Variants in TMEM131 observed in about 807,000 individuals in gnomAD.
TMEM131 encodes the protein 2610524E03Rik.
TMEM131 carries 66 observed loss-of-function variants against 211.6 expected under a neutral mutation model. That is an observed-to-expected ratio of 0.31 (90% CI 0.26 to 0.38). The LOEUF is 0.38. Ranked by LOEUF, TMEM131 falls within the 10% of genes least tolerant of loss-of-function variation. TMEM131 has a pLI of 1.00. For synonymous variants in TMEM131, 844 were observed against 841.3 expected (o/e 1.00, Z -0.06); for missense variants, 2,036 against 2,299.3 (o/e 0.89, Z 2.34).
intron 4 of TMEM131, among the ~76,000 whole-genome samples, chr2:97,863,457 A>ACTCC (rs1351040616): frequency 4.6e-5 from 7 of 152,220 alleles, no homozygotes; most frequent in African/African-American, 1.7e-4. Flanking sequence ...AAGTTAAGAG[A>ACTCC]CAGCTCACAG....
chr2:97,952,910 A>G (rs1181042865), intron 1 of TMEM131, among the ~76,000 whole-genome samples: 2 of 152,152 alleles, frequency 1.3e-5, no homozygotes, highest in Admixed American at 1.3e-4. Context: ...CAAACAAAAA[A>G]CAACAGAAAA....
At chr2:97,780,745 A>G (rs908270859) in intron 31 of TMEM131, among the ~76,000 whole-genome samples, 1 of 152,218 alleles carries the variant, frequency 6.6e-6, no homozygotes, top group African/African-American at 2.4e-5. Flanking sequence ...ACAGTGGGGA[A>G]GGCAGGATGT....
chr2:97,949,271 C>T (rs1459830725), intron 1 of TMEM131, among the ~76,000 whole-genome samples: 3 of 152,086 alleles, frequency 2.0e-5, no homozygotes, highest in African/African-American at 7.2e-5. Context: ...AGAGTAAATA[C>T]TGTATGATTC....
intron 1 of TMEM131, among the ~76,000 whole-genome samples, chr2:97,968,241 G>A (rs1483365488): frequency 3.3e-5 from 5 of 152,100 alleles, no homozygotes; most frequent in East Asian, 3.8e-4. Flanking sequence ...CTAGCCTAGT[G>A]ACCAGATAAG....
At chr2:97,864,810 C>T (rs139241245) in intron 4 of TMEM131, among the ~76,000 whole-genome samples, 1 of 152,172 alleles carries the variant, frequency 6.6e-6, no homozygotes, top group Non-Finnish European at 1.5e-5. Context: ...TATGAGAAGG[C>T]TTCCGAACTT....
At chr2:97,914,582 G>A (rs982641232) in intron 2 of TMEM131, among the ~76,000 whole-genome samples, 6 of 152,062 alleles carry the variant, frequency 3.9e-5, no homozygotes, top group Admixed American at 1.3e-4. Flanking sequence ...TATTATTCAT[G>A]ACTAAAATTT....
At chr2:97,979,685 A>G (rs1222044297) in intron 1 of TMEM131, among the ~76,000 whole-genome samples, 1 of 152,188 alleles carries the variant, frequency 6.6e-6, no homozygotes, top group Non-Finnish European at 1.5e-5. Context: ...GACCTAATAG[A>G]ATGCTTGTGG....
chr2:97,795,065 A>T lies in TMEM131; in HGVS notation c.3251T>A (p.Ile1084Lys). 6.2e-7 allele frequency: 1 copy of T among 1,613,946 alleles called. No individual in the cohort carries two copies. The highest frequency in any genetic ancestry group is 1.1e-5 in the South Asian group (1 of 91,052). The part of the protein sequence containing the change: ...ASRVIRELKF[I>K]TTSGSEFVFI... ...TACAAACTCAGAGCCACTGGTTGTT[A>T]TAAACTTCAGTTCCCGAATAACTCT... Residue 1084 changes from isoleucine (I) to lysine (K), a missense_variant, in exon 29 of 41, where the codon ATA becomes AAA. Around this residue, in one of 3 missense-constraint regions of TMEM131, gnomAD observed 1,623 missense variants for 1,805.9 expected, o/e 0.90. Transcript: ENST00000186436.
chr2:97,859,478 T>C, intron 4 of TMEM131, 51 bp from the exon 5 acceptor site: 14 of 1,428,440 alleles, frequency 9.8e-6, no homozygotes, highest in Non-Finnish European at 1.3e-5. Flanking sequence ...TAATTCTGAT[T>C]ATTTCTAGTT....
At chr2:97,782,278 A>G (rs568177005) in intron 31 of TMEM131, among the ~76,000 whole-genome samples, 1 of 152,356 alleles carries the variant, frequency 6.6e-6, no homozygotes, top group East Asian at 1.9e-4. Context: ...TTGCGAGTCA[A>G]CAGAGGACAG....
At position 97,888,108 on chromosome 2, in the gene TMEM131, G is replaced by A; in HGVS notation, c.303C>T (p.Tyr101=). 1 of 1,613,054 alleles carries A rather than the reference G, an allele frequency of 6.2e-7. No homozygotes were observed. Among genetic ancestry groups the A allele is most frequent in the East Asian group, 2.2e-5 (1 of 44,848 alleles). Residue 101 remains tyrosine (Y), a synonymous_variant, in exon 4 of 41, where the codon TAC becomes TAT. Coordinates refer to ENST00000186436, the MANE Select transcript of TMEM131 (RefSeq NM_015348.2). ...SSYQQKSISL[Y]RGNCRPIRFE... is the part of the protein sequence containing the mutation. ...ATCGTATGGGCCTGCAATTCCCCCG[G>A]TAGAGAGATATACTGTAAATAAAAA...
intron 28 of TMEM131, among the ~76,000 whole-genome samples, chr2:97,795,791 T>C (rs995008200): frequency 6.6e-6 from 1 of 152,194 alleles, no homozygotes; most frequent in African/African-American, 2.4e-5. Context: ...GAGATAGGTA[T>C]TAAAACTGTC....
chr2:97,800,646 A>C (rs1473223051), intron 25 of TMEM131, among the ~76,000 whole-genome samples: 1 of 151,728 alleles, frequency 6.6e-6, no homozygotes, highest in Non-Finnish European at 1.5e-5. Context: ...TAATCCCGCT[A>C]CTCGGGAGGC....
In TMEM131 at chr2:97,759,061, T is replaced by C. The variant is rs1166163827; in HGVS notation, c.5207-8A>G. On this transcript the variant is annotated splice_polypyrimidine_tract_variant and splice_region_variant and intron_variant, in intron 39 of 40. Transcript: ENST00000186436. ...CGAGTTTGCTGAAAACTTCTGGAAATAAAGCAACAGTCATCAAGTCCATAT... is the reference window on the plus strand; with the variant it reads ...CGAGTTTGCTGAAAACTTCTGGAAACAAAGCAACAGTCATCAAGTCCATAT... The C allele has an allele frequency of 6.2e-7, 1 of 1,613,986 alleles. No individual in the cohort carries two copies. Among genetic ancestry groups the C allele is most frequent in the Admixed American group, 1.7e-5 (1 of 60,034 alleles).
chr2:97,965,458 C>T lies in TMEM131; in HGVS notation c.187+30018G>A, dbSNP rs1679015331. Among the ~76,000 whole-genome samples the T allele has an allele frequency of 2.0e-5, 3 of 152,194 alleles. 1 individual carries two copies. Among genetic ancestry groups the T allele is most frequent in the South Asian group, 4.1e-4 (2 of 4,830 alleles). ...TGTCTCTTTCTAACTCCTTTGTCTC[C>T]GCTGGACTCGGGGTACCCGCCAGGT... On this transcript the variant is annotated intron_variant, in intron 1 of 40. Coordinates refer to ENST00000186436, the MANE Select transcript of TMEM131 (RefSeq NM_015348.2).
chr2:97,758,667 T>C (rs1444031102), intron 40 of TMEM131, among the ~76,000 whole-genome samples: 1 of 152,250 alleles, frequency 6.6e-6, no homozygotes, highest in Non-Finnish European at 1.5e-5. Context: ...AGCTGTTCAG[T>C]TGTTCTTCCT....
intron 3 of TMEM131, among the ~76,000 whole-genome samples, chr2:97,902,385 T>C (rs1675892471): frequency 1.3e-5 from 2 of 152,206 alleles, no homozygotes; most frequent in Admixed American, 1.3e-4. Context: ...ATACACTTAC[T>C]GTAGACAGAT....
chr2:97,949,953 C>T (rs1678226352), intron 1 of TMEM131, among the ~76,000 whole-genome samples: 1 of 151,956 alleles, frequency 6.6e-6, no homozygotes, highest in African/African-American at 2.4e-5. Flanking sequence ...GAAGGCCTTA[C>T]TCCAAAATTG....
intron 3 of TMEM131, among the ~76,000 whole-genome samples, chr2:97,893,944 T>C (rs1286426949): frequency 6.6e-6 from 1 of 152,220 alleles, no homozygotes; most frequent in African/African-American, 2.4e-5. Context: ...AGATATGAAG[T>C]CTTTGCCCAT....
Sources: gnomAD v4.1 joint callset for allele counts (sites outside exome capture counted in the v4.1 genomes callset) on GRCh38, gnomAD v4.1.1 for gene constraint, gnomAD v4.1.1 regional missense constraint, MANE v1.5 for transcripts, NCBI Gene and HGNC (gene_info 2026-07-23, HGNC 2026-07-21) for gene names.